Variants in DIAPH2 observed in about 807,000 individuals in gnomAD.
DIAPH2 encodes diaphanous related formin 2.
A neutral mutation model predicts 92.7 loss-of-function variants in DIAPH2; 35 were observed. The observed-to-expected ratio is 0.38, with a 90% CI of 0.29 to 0.50. The LOEUF (loss-of-function observed/expected upper bound fraction) is 0.50, where lower values mean the gene tolerates loss of function less well. Among genes scored for constraint, DIAPH2 ranks in the 20% least tolerant of loss-of-function variants. The pLI, the probability that DIAPH2 is intolerant of heterozygous loss-of-function variation, is 0.94. For missense variants in DIAPH2, 701 were observed against 819.5 expected (o/e 0.86, Z 1.77); for synonymous variants, 301 against 280.4 (o/e 1.07, Z -0.73).
chrX:97,248,892 A>G (rs912402013), intron 23 of DIAPH2, among the ~76,000 whole-genome samples: 1 of 111,704 alleles, frequency 9.0e-6, no homozygotes, highest in African/African-American at 3.2e-5. Flanking sequence ...ATTAATGAAT[A>G]CTGTGTTTTG....
chrX:97,110,550 C>T (rs772154913), intron 20 of DIAPH2, among the ~76,000 whole-genome samples: 2 of 111,327 alleles, frequency 1.8e-5, no homozygotes, highest in African/African-American at 3.3e-5. Flanking sequence ...AAATAAGGGA[C>T]GACTCTCAGA....
intron 17 of DIAPH2, among the ~76,000 whole-genome samples, chrX:97,065,169 C>T (rs779090041): frequency 9.0e-6 from 1 of 111,441 alleles, no homozygotes; most frequent in East Asian, 2.8e-4. Flanking sequence ...CTCACTGATT[C>T]GTGACAGGAA....
chrX:97,161,923 T>C (rs1440812947), intron 22 of DIAPH2, among the ~76,000 whole-genome samples: 1 of 111,785 alleles, frequency 8.9e-6, no homozygotes, highest in Non-Finnish European at 1.9e-5. Context: ...TGTAACATTA[T>C]AGTCTCTTCA....
intron 4 of DIAPH2, among the ~76,000 whole-genome samples, chrX:96,792,670 G>A (rs923823533): frequency 9.0e-6 from 1 of 111,704 alleles, no homozygotes; most frequent in African/African-American, 3.2e-5. Flanking sequence ...ACACATAGAG[G>A]TTTGAGGATA....
intron 26 of DIAPH2, among the ~76,000 whole-genome samples, chrX:97,431,128 G>A (rs769950037): frequency 1.8e-5 from 2 of 112,196 alleles, no homozygotes; most frequent in South Asian, 7.4e-4. Context: ...CTATAACTAT[G>A]AGGCAGCCAT....
intron 26 of DIAPH2, among the ~76,000 whole-genome samples, chrX:97,493,835 C>T (rs946288601): frequency 8.4e-5 from 9 of 107,686 alleles, no homozygotes; most frequent in South Asian, 4.1e-4. Context: ...GCAATGAGCC[C>T]GAGATTGTGC....
intron 19 of DIAPH2, among the ~76,000 whole-genome samples, chrX:97,082,816 G>A (rs1185293477): frequency 9.0e-6 from 1 of 111,642 alleles, no homozygotes; most frequent in Non-Finnish European, 1.9e-5. Context: ...CTTAGCCTAA[G>A]AGATTCAGGG....
intron 25 of DIAPH2, among the ~76,000 whole-genome samples, chrX:97,408,382 T>G (rs1299591879): frequency 9.1e-6 from 1 of 109,395 alleles, no homozygotes; most frequent in Non-Finnish European, 1.9e-5. Flanking sequence ...CTTCTTTTTT[T>G]AATTTAAAGG....
chrX:97,239,120 G>C (rs2147537039), intron 22 of DIAPH2, among the ~76,000 whole-genome samples: 1 of 111,639 alleles, frequency 9.0e-6, no homozygotes, highest in Admixed American at 9.6e-5. Flanking sequence ...TATTTACATA[G>C]AATTACACAT....
intron 22 of DIAPH2, among the ~76,000 whole-genome samples, chrX:97,237,927 C>T (rs992981573): frequency 8.9e-6 from 1 of 112,545 alleles, no homozygotes; most frequent in Non-Finnish European, 1.9e-5. Flanking sequence ...TCCACCAAGA[C>T]TTTATCCAGC....
intron 4 of DIAPH2, among the ~76,000 whole-genome samples, chrX:96,788,218 CAT>C (rs1331708465): frequency 5.4e-5 from 6 of 111,853 alleles, no homozygotes; most frequent in Non-Finnish European, 9.4e-5. Flanking sequence ...TGTTTTCTAA[CAT>C]AAATGATGTG....
chrX:96,858,395 T>C (rs1468592995), intron 4 of DIAPH2, among the ~76,000 whole-genome samples: 1 of 111,791 alleles, frequency 8.9e-6, no homozygotes, highest in Middle Eastern at 4.2e-3. Flanking sequence ...CTCAAACAGA[T>C]GTGGTGAAAT....
chrX:96,783,945 C>T (rs187437726), intron 4 of DIAPH2, among the ~76,000 whole-genome samples: 1 of 112,065 alleles, frequency 8.9e-6, no homozygotes, highest in Admixed American at 9.5e-5. Context: ...ATGTTCAGAT[C>T]ACTGGGAGGT....
chrX:97,417,589 C>A (rs907395544), intron 25 of DIAPH2, among the ~76,000 whole-genome samples: 10 of 111,454 alleles, frequency 9.0e-5, no homozygotes, highest in Non-Finnish European at 1.3e-4. Context: ...GCAGGAGAAT[C>A]GCTTGAACCC....
rs778579059 is a variant in DIAPH2, at chrX:97,384,055, A to G, written c.3145+11A>G. 8.8e-7 allele frequency: 1 copy of G among 1,131,821 alleles called. No homozygotes were observed. Among genetic ancestry groups the G allele is most frequent in the African/African-American group, 1.8e-5 (1 of 54,312 alleles). 93.3% of individuals were successfully genotyped at this position (1,131,821 alleles called of 1,213,427 possible). A position where few individuals can be genotyped will look rare whatever the true frequency, so the allele number is the denominator to read the frequency against. ...TTGATATAAACAAAGGTATGAAAATATTTCCAATTTTTACAAAAATGCAAG... is the reference window on the plus strand; with the variant it reads ...TTGATATAAACAAAGGTATGAAAATGTTTCCAATTTTTACAAAAATGCAAG... On this transcript the variant is annotated intron_variant, in intron 25 of 26. Coordinates refer to ENST00000324765, the MANE Select transcript of DIAPH2 (RefSeq NM_006729.5).
chrX:96,771,745 G>A, intron 4 of DIAPH2, among the ~76,000 whole-genome samples: 1 of 111,369 alleles, frequency 9.0e-6, no homozygotes, highest in Non-Finnish European at 1.9e-5. Context: ...ATGTTTAGAA[G>A]TTACCTTAGG....
intron 1 of DIAPH2, among the ~76,000 whole-genome samples, chrX:96,709,215 A>G (rs2063904348): frequency 8.9e-6 from 1 of 112,403 alleles, no homozygotes; most frequent in Admixed American, 9.4e-5. Flanking sequence ...TAATTTGCTT[A>G]CCAAATCTGT....
At chrX:97,522,885 A>C (rs866610448) in intron 26 of DIAPH2, among the ~76,000 whole-genome samples, 2 of 112,575 alleles carry the variant, frequency 1.8e-5, no homozygotes, top group Admixed American at 9.4e-5. Context: ...AAGCAGCGGC[A>C]GTCCTGAACT....
chrX:97,104,303 CAT>C (rs1377593424), intron 20 of DIAPH2, among the ~76,000 whole-genome samples: 1 of 111,604 alleles, frequency 9.0e-6, no homozygotes, highest in African/African-American at 3.3e-5. Flanking sequence ...CATTTGATAA[CAT>C]AAAAGAATTT....
Sources: gnomAD v4.1 joint callset for allele counts (sites outside exome capture counted in the v4.1 genomes callset) on GRCh38, gnomAD v4.1.1 for gene constraint, MANE v1.5 for transcripts, NCBI Gene and HGNC (gene_info 2026-07-23, HGNC 2026-07-21) for gene names.